Variants in PASD1 observed in about 807,000 individuals in gnomAD.
PASD1 encodes the protein circadian clock protein PASD1.
PASD1 carries 13 observed loss-of-function variants against 58.8 expected under a neutral mutation model. The observed-to-expected ratio is 0.22, with a 90% confidence interval of 0.14 to 0.35. The LOEUF (loss-of-function observed/expected upper bound fraction) is 0.35. PASD1 is among the 10% of genes least tolerant of loss of function. The pLI, the probability that PASD1 is intolerant of heterozygous loss-of-function variation, is 1.00. For missense variants in PASD1, 734 were observed against 568.3 expected, an observed-to-expected ratio of 1.29 and a Z score of -2.96; for synonymous variants, 236 against 216.7, an observed-to-expected ratio of 1.09 and a Z score of -0.78.
intron 8 of PASD1, 150 bp from the exon 9 acceptor site, chrX:151,648,465 A>G: frequency 3.6e-6 from 2 of 549,384 alleles, no homozygotes; most frequent in Middle Eastern, 5.2e-4. Context: ...ACTCTGTGGG[A>G]AAAATGATAC....
chrX:151,643,553 T>C (rs2014022201), intron 8 of PASD1, among the ~76,000 whole-genome samples: 2 of 111,577 alleles, frequency 1.8e-5, no homozygotes, highest in African/African-American at 6.5e-5. Flanking sequence ...ACCCCATAAA[T>C]ATATACACCT....
chrX:151,671,960 T>C (rs1380687346), intron 13 of PASD1, among the ~76,000 whole-genome samples, 181 bp downstream of exon 13: 2 of 112,624 alleles, frequency 1.8e-5, no homozygotes, highest in Non-Finnish European at 3.7e-5. Context: ...CATGTATACA[T>C]ACATGTACAT....
chrX:151,578,796 G>T (rs763260773), intron 1 of PASD1, among the ~76,000 whole-genome samples: 23 of 112,481 alleles, frequency 2.0e-4, no homozygotes, highest in Admixed American at 1.8e-3. Flanking sequence ...TCGTTGGAGA[G>T]AAAGTGTGGA....
At chrX:151,628,710 T>C (rs1453024713) in intron 8 of PASD1, among the ~76,000 whole-genome samples, 1 of 111,735 alleles carries the variant, frequency 8.9e-6, no homozygotes, top group Non-Finnish European at 1.9e-5. Flanking sequence ...TAAAGTAGTT[T>C]TTTCCAATTC....
At position 151,583,538 on chromosome X, in the gene PASD1, A is replaced by T. The variant is rs750088153; in HGVS notation, c.-27-17989A>T. ...AGTTTTTTTTGTGTGTGTGCTTTGG[A>T]AGAAGAATGATAGTAACATACTCTT... On this transcript the variant is annotated intron_variant, in intron 1 of 15. Transcript: ENST00000370357. Among the ~76,000 whole-genome samples, 3 of 112,117 alleles carry T rather than the reference A, an allele frequency of 2.7e-5. No individual in the cohort carries two copies. In the South Asian group the frequency reaches 1.1e-3, roughly 42 times the overall value.
intron 8 of PASD1, among the ~76,000 whole-genome samples, chrX:151,634,125 T>G (rs1440644688): frequency 1.8e-5 from 2 of 111,701 alleles, no homozygotes; most frequent in Non-Finnish European, 3.8e-5. Flanking sequence ...TTTTTAACTT[T>G]TTATTTGAAT....
At chrX:151,668,565 G>A (rs2014416670) in intron 11 of PASD1, among the ~76,000 whole-genome samples, 1 of 111,225 alleles carries the variant, frequency 9.0e-6, no homozygotes, top group African/African-American at 3.3e-5. Flanking sequence ...TACCATCAGA[G>A]AATACTATAA....
At chrX:151,652,567 A>G (rs1009394627) in intron 9 of PASD1, among the ~76,000 whole-genome samples, 2 of 110,597 alleles carry the variant, frequency 1.8e-5, no homozygotes, top group Non-Finnish European at 3.8e-5. Flanking sequence ...ACAAACAAAA[A>G]AAACTCAACC....
rs375315092 is a variant in PASD1 at position 151,621,642 on chromosome X, C to G, written c.418+50C>G. ...TATATGACATTTATGAGTCATGTAG[C>G]CTCACATTACTAACATAAATGCTCT... On this transcript the variant is annotated intron_variant, in intron 6 of 15. Transcript: ENST00000370357. 160 of 843,039 alleles carry G rather than the reference C, an allele frequency of 1.9e-4. No homozygotes were observed. The African/African-American group carries it at 2.8e-3, about 14-fold the overall frequency. The allele number at this position is 843,039 out of a possible 1,213,427, so 69.5% of individuals were successfully genotyped here. A position where few individuals can be genotyped will look rare whatever the true frequency, so the allele number is the denominator to read the frequency against.
intron 8 of PASD1, among the ~76,000 whole-genome samples, chrX:151,637,263 T>C (rs2013941811): frequency 8.9e-6 from 1 of 112,688 alleles, no homozygotes; most frequent in South Asian, 3.7e-4. Flanking sequence ...GAATTGTTAG[T>C]ACATACAGTA....
At chrX:151,572,131 A>G (rs2012936260) in intron 1 of PASD1, among the ~76,000 whole-genome samples, 1 of 111,354 alleles carries the variant, frequency 9.0e-6, no homozygotes, top group Admixed American at 9.6e-5. Flanking sequence ...TTTTCTTAAC[A>G]CCTTTTAACA....
At chrX:151,644,369 T>C (rs1261581268) in intron 8 of PASD1, among the ~76,000 whole-genome samples, 2 of 111,546 alleles carry the variant, frequency 1.8e-5, no homozygotes, top group Non-Finnish European at 3.8e-5. Context: ...GTCTAGGTGA[T>C]CTACAGCAAT....
At chrX:151,573,023 C>CG (rs1205183878) in intron 1 of PASD1, among the ~76,000 whole-genome samples, 1 of 69,879 alleles carries the variant, frequency 1.4e-5, no homozygotes, top group Non-Finnish European at 2.7e-5. Context: ...GGGGTGGTGA[C>CG]GGGGGGTGGG....
At position 151,611,650 on chromosome X, in the gene PASD1, T is replaced by C. The variant is rs760091768; in HGVS notation, c.118-14T>C. ...TTCCACTATTTAATTACATTATTATTCTCTCGTCATTAGTTATTAGATGGC... is the reference window on the plus strand; with the variant it reads ...TTCCACTATTTAATTACATTATTATCCTCTCGTCATTAGTTATTAGATGGC... On this transcript the variant is annotated splice_polypyrimidine_tract_variant and intron_variant, in intron 3 of 15. Transcript: ENST00000370357. 1.8e-6 allele frequency: 2 copies of C among 1,106,260 alleles called. No homozygotes were observed. The highest frequency in any genetic ancestry group is 2.5e-6 in the Non-Finnish European group (2 of 814,977). The allele number at this position is 1,106,260 out of a possible 1,213,427, so 91.2% of individuals were successfully genotyped here.
At chrX:151,630,321 G>T (rs781550971) in intron 8 of PASD1, among the ~76,000 whole-genome samples, 244 of 111,752 alleles carry the variant, frequency 2.2e-3, no homozygotes, top group Non-Finnish European at 3.9e-3. Flanking sequence ...CTGTAAGGCA[G>T]GACCTGTCAC....
At position 151,628,693 on chromosome X, in the gene PASD1, T is replaced by C. The variant is rs181886451; in HGVS notation, c.629+3163T>C. 4.5e-5 allele frequency among the ~76,000 whole-genome samples: 5 copies of C among 111,829 alleles called. No individual in the cohort carries two copies. In the Admixed American group the frequency reaches 4.7e-4, roughly 11 times the overall value. On this transcript the variant is annotated intron_variant, in intron 8 of 15. Transcript: ENST00000370357. ...ATGCGGGCTCTTTTTTGGTCCCATATGAACTTTAAAGTAGTTTTTTCCAAT... is the reference window on the plus strand; with the variant it reads ...ATGCGGGCTCTTTTTTGGTCCCATACGAACTTTAAAGTAGTTTTTTCCAAT...
At position 151,656,710 on chromosome X, in the gene PASD1, T is replaced by C. The variant is rs751715450; in HGVS notation, c.718-3003T>C. Among the ~76,000 whole-genome samples, 66 of 112,194 alleles carry C rather than the reference T, an allele frequency of 5.9e-4. 1 individual carries two copies. The East Asian group carries it at 0.016, about 27-fold the overall frequency. On this transcript the variant is annotated intron_variant, in intron 9 of 15. Coordinates refer to ENST00000370357, the MANE Select transcript of PASD1 (RefSeq NM_173493.3). ...TTGTGATTTTTGCACATTGATTTTG[T>C]ATCCTGAGACTTTGCTGAAGTTGCT...
At chrX:151,594,827 G>A (rs1304187923) in intron 1 of PASD1, among the ~76,000 whole-genome samples, 1 of 110,616 alleles carries the variant, frequency 9.0e-6, no homozygotes. Context: ...TATTAAAGCT[G>A]GTATGCTTCT....
chrX:151,621,192 A>T (rs1284130530), intron 5 of PASD1, among the ~76,000 whole-genome samples, 163 bp downstream of exon 5: 6 of 111,132 alleles, frequency 5.4e-5, no homozygotes, highest in African/African-American at 2.0e-4. Context: ...GTGTTAAAAA[A>T]ATCTCTCCTC....
Sources: gnomAD v4.1 joint callset for allele counts (sites outside exome capture counted in the v4.1 genomes callset) on GRCh38, gnomAD v4.1.1 for gene constraint, MANE v1.5 for transcripts, NCBI Gene and HGNC (gene_info 2026-07-23, HGNC 2026-07-21) for gene names.